CTNNA2: variants seen among roughly 807,000 people sequenced by gnomAD.
The protein encoded by CTNNA2 is catenin alpha-2.
In CTNNA2, 42 loss-of-function variants were observed where a neutral mutation model predicts 101.0. The observed-to-expected ratio is 0.42, with a 90% CI of 0.32 to 0.54. CTNNA2 has a LOEUF of 0.54. Among genes scored for constraint, CTNNA2 ranks in the 20% least tolerant of loss-of-function variants. CTNNA2 has a pLI of 0.14. For missense variants in CTNNA2, 871 were observed against 1,223.1 expected, an observed-to-expected ratio of 0.71 and a Z score of 4.29; for synonymous variants, 450 against 456.4, an observed-to-expected ratio of 0.99 and a Z score of 0.18.
intron 2 of CTNNA2, among the ~76,000 whole-genome samples, chr2:79,271,912 C>T (rs767244338): frequency 6.6e-6 from 1 of 152,000 alleles, no homozygotes; most frequent in African/African-American, 2.4e-5. Flanking sequence ...TTCCATGGAG[C>T]CCTTATCGGC....
At chr2:79,981,621 A>G (rs1277863256) in intron 7 of CTNNA2, among the ~76,000 whole-genome samples, 1 of 152,170 alleles carries the variant, frequency 6.6e-6, no homozygotes, top group Non-Finnish European at 1.5e-5. Context: ...ACAGTACACA[A>G]TAGACTTGCT....
intron 2 of CTNNA2, among the ~76,000 whole-genome samples, chr2:79,273,047 C>T (rs1459042873): frequency 6.6e-6 from 1 of 151,988 alleles, no homozygotes; most frequent in Non-Finnish European, 1.5e-5. Context: ...ACATGGTGTT[C>T]CTCTACTAAA....
chr2:79,942,739 CCTAT>C (rs971257796), intron 7 of CTNNA2, among the ~76,000 whole-genome samples: 14 of 152,206 alleles, frequency 9.2e-5, no homozygotes, highest in Middle Eastern at 3.4e-3. Flanking sequence ...AATTAGGACC[CCTAT>C]CTGTCTGGCA....
intron 18 of CTNNA2, among the ~76,000 whole-genome samples, chr2:80,631,596 C>G (rs190565886): frequency 2.4e-4 from 36 of 152,202 alleles, no homozygotes; most frequent in Non-Finnish European, 3.1e-4. Context: ...GAAGTACATT[C>G]ACTCCAGGAG....
At chr2:79,555,531 A>G (rs1674389424) in intron 1 of CTNNA2, among the ~76,000 whole-genome samples, 1 of 152,140 alleles carries the variant, frequency 6.6e-6, no homozygotes, top group Admixed American at 6.6e-5. Flanking sequence ...TAACTGCTCT[A>G]TTTTATTTGA....
At chr2:79,234,505 A>G (rs1025258173) in intron 2 of CTNNA2, among the ~76,000 whole-genome samples, 2 of 151,938 alleles carry the variant, frequency 1.3e-5, no homozygotes, top group East Asian at 1.9e-4. Flanking sequence ...TTTGATGACT[A>G]TGTGCCTTGG....
At chr2:79,592,929 GC>G (rs1318548109) in intron 1 of CTNNA2, among the ~76,000 whole-genome samples, 1 of 152,132 alleles carries the variant, frequency 6.6e-6, no homozygotes, top group African/African-American at 2.4e-5. Flanking sequence ...GATGTGTGCA[GC>G]CTAGCAAGTA....
At chr2:79,852,606 T>A (rs1680807658) in intron 3 of CTNNA2, among the ~76,000 whole-genome samples, 1 of 152,226 alleles carries the variant, frequency 6.6e-6, no homozygotes, top group South Asian at 2.1e-4. Context: ...GAGCTTCACT[T>A]TTTTGAGACG....
At chr2:79,935,185 T>C (rs1687694098) in intron 7 of CTNNA2, among the ~76,000 whole-genome samples, 1 of 152,144 alleles carries the variant, frequency 6.6e-6, no homozygotes, top group Non-Finnish European at 1.5e-5. Context: ...ATTACTTCTT[T>C]TGATTCTGCT....
chr2:80,167,652 T>A (rs1236895006), intron 7 of CTNNA2, among the ~76,000 whole-genome samples: 2 of 152,236 alleles, frequency 1.3e-5, no homozygotes, highest in South Asian at 2.1e-4. Flanking sequence ...AAGCAAAACA[T>A]CTGCCTAGAC....
chr2:80,596,279 G>GTTTTTTTTTTTTTTTTTTTT lies in CTNNA2; in HGVS notation c.2189+6823_2189+6842dup, dbSNP rs60132060. Reference sequence around the variant, plus strand: ...AGTTTTTTTGGGCTGAGACAAGGTTGTTTTTTTTTTTTTTTTTTTTTTTTT... The same window carrying GTTTTTTTTTTTTTTTTTTTT: ...AGTTTTTTTGGGCTGAGACAAGGTTGTTTTTTTTTTTTTTTTTTTTTTTTTTTTTTTTTTTTTTTTTTTTT... On this transcript the variant is annotated intron_variant, in intron 15 of 18. Transcript: ENST00000402739. Among the ~76,000 whole-genome samples the GTTTTTTTTTTTTTTTTTTTT allele has an allele frequency of 1.4e-4, 5 of 35,324 alleles. 1 individual carries two copies. Among genetic ancestry groups the GTTTTTTTTTTTTTTTTTTTT allele is most frequent in the Non-Finnish European group, 2.7e-4 (5 of 18,620 alleles). 23.2% of individuals were successfully genotyped at this position (35,324 alleles called of 152,430 possible).
At chr2:79,689,795 A>G (rs1263378744) in intron 2 of CTNNA2, among the ~76,000 whole-genome samples, 3 of 152,028 alleles carry the variant, frequency 2.0e-5, no homozygotes, top group Admixed American at 2.0e-4. Context: ...AATAAAATGG[A>G]AATCCTAGAA....
intron 2 of CTNNA2, among the ~76,000 whole-genome samples, chr2:79,739,681 A>G: frequency 1.3e-5 from 2 of 152,230 alleles, no homozygotes; most frequent in East Asian, 3.8e-4. Flanking sequence ...ACACTTAAAA[A>G]GTCTATAAGT....
chr2:79,243,550 G>C (rs1293401768), intron 2 of CTNNA2, among the ~76,000 whole-genome samples: 3 of 152,140 alleles, frequency 2.0e-5, no homozygotes, highest in African/African-American at 7.2e-5. Context: ...CACGTACCAG[G>C]TATTTGCCAG....
chr2:79,753,685 G>C (rs1672197277), intron 3 of CTNNA2, among the ~76,000 whole-genome samples: 1 of 152,124 alleles, frequency 6.6e-6, no homozygotes, highest in South Asian at 2.1e-4. Flanking sequence ...GAATCTTATG[G>C]AGCAGAGTGA....
chr2:80,286,466 A>G (rs1674776225), intron 7 of CTNNA2, among the ~76,000 whole-genome samples: 1 of 152,218 alleles, frequency 6.6e-6, no homozygotes, highest in Admixed American at 6.5e-5. Flanking sequence ...TTGAAATGGA[A>G]TAAAATTAGA....
intron 1 of CTNNA2, among the ~76,000 whole-genome samples, chr2:79,599,858 C>G (rs1004872901): frequency 6.6e-6 from 1 of 152,182 alleles, no homozygotes; most frequent in African/African-American, 2.4e-5. Context: ...TAGAACCATA[C>G]TGACCAGAAC....
chr2:80,096,079 C>A (rs572919522), intron 7 of CTNNA2, among the ~76,000 whole-genome samples: 14 of 151,530 alleles, frequency 9.2e-5, no homozygotes, highest in South Asian at 4.2e-4. Context: ...TTCTCTAGTT[C>A]TTTTAATTGT....
chr2:79,683,744 G>C (rs540560997), intron 2 of CTNNA2, among the ~76,000 whole-genome samples: 16 of 152,310 alleles, frequency 1.1e-4, no homozygotes, highest in African/African-American at 3.9e-4. Flanking sequence ...GTTCCCACAA[G>C]TTGCAGGAGC....
Sources: allele counts gnomAD v4.1 joint callset (sites outside exome capture counted in the v4.1 genomes callset), GRCh38; gene constraint gnomAD v4.1.1; transcripts MANE v1.5; gene names NCBI Gene and HGNC (gene_info 2026-07-23, HGNC 2026-07-21).